The following ZFAND3 variants were observed in gnomAD, a reference collection of about 807,000 sequenced individuals.
ZFAND3 encodes zinc finger AN1-type containing 3, also known as AN1-type zinc finger protein 3.
ZFAND3 carries 10 observed loss-of-function variants against 29.6 expected under a neutral mutation model. That is an observed-to-expected ratio of 0.34 (90% confidence interval 0.21 to 0.57). The LOEUF is 0.57. Ranked by LOEUF, ZFAND3 falls within the 20% of genes least tolerant of loss-of-function variation. ZFAND3 has a pLI of 0.86. For missense variants in ZFAND3, 230 were observed against 304.5 expected (o/e 0.76, Z 1.82); for synonymous variants, 128 against 112.6 (o/e 1.14, Z -0.87).
At chr6:38,063,359 C>G (rs759758500) in intron 3 of ZFAND3, among the ~76,000 whole-genome samples, 5 of 152,116 alleles carry the variant, frequency 3.3e-5, no homozygotes, top group Non-Finnish European at 7.4e-5. Flanking sequence ...ATCTCCCACC[C>G]CACAGCCCCA....
At chr6:38,144,185 A>T (rs1448265068) in intron 5 of ZFAND3, among the ~76,000 whole-genome samples, 39 of 3,356 alleles carry the variant, frequency 0.012, no homozygotes, top group African/African-American at 0.071. Flanking sequence ...TATATATATA[A>T]TATATATATA....
At chr6:37,824,465 G>A (rs1239622742) in intron 1 of ZFAND3, among the ~76,000 whole-genome samples, 2 of 152,098 alleles carry the variant, frequency 1.3e-5, no homozygotes, top group Non-Finnish European at 2.9e-5. Context: ...AGGATAATAG[G>A]GTAATTAGGA....
intron 2 of ZFAND3, among the ~76,000 whole-genome samples, chr6:37,993,349 C>T (rs562550116): frequency 6.6e-6 from 1 of 150,798 alleles, no homozygotes; most frequent in South Asian, 2.1e-4. Context: ...TATTTTGAGA[C>T]TGAGTCTTGC....
chr6:37,982,352 A>G (rs1239447132), intron 2 of ZFAND3, among the ~76,000 whole-genome samples: 1 of 152,134 alleles, frequency 6.6e-6, no homozygotes, highest in Non-Finnish European at 1.5e-5. Context: ...CAGTTGTGCA[A>G]TAAAAATGTA....
intron 5 of ZFAND3, among the ~76,000 whole-genome samples, chr6:38,124,289 G>T (rs1314868119): frequency 6.6e-6 from 1 of 152,244 alleles, no homozygotes; most frequent in Admixed American, 6.5e-5. Flanking sequence ...CACTGGAGCC[G>T]CAGGTGGAGC....
At chr6:38,024,793 A>G (rs1763417029) in intron 2 of ZFAND3, among the ~76,000 whole-genome samples, 1 of 152,214 alleles carries the variant, frequency 6.6e-6, no homozygotes. Flanking sequence ...GGTGGTTACC[A>G]GGGGCAATAG....
At chr6:37,873,101 C>CAA (rs369148005) in intron 1 of ZFAND3, among the ~76,000 whole-genome samples, 1 of 148,436 alleles carries the variant, frequency 6.7e-6, no homozygotes, top group Non-Finnish European at 1.5e-5. Flanking sequence ...TACTTAAAAA[C>CAA]AAAAAAAACC....
chr6:37,909,953 G>A (rs1765490663), intron 1 of ZFAND3, among the ~76,000 whole-genome samples: 1 of 152,118 alleles, frequency 6.6e-6, no homozygotes, highest in Admixed American at 6.5e-5. Flanking sequence ...TTAAAGCATG[G>A]AATCTTAAAA....
chr6:38,057,948 C>G lies in ZFAND3; in HGVS notation c.113-3645C>G, dbSNP rs180964667. On this transcript the variant is annotated intron_variant, in intron 2 of 5. Transcript: ENST00000287218. Reference sequence around the variant, plus strand: ...CCAAATGATGTTATGACACCATCACCCTGTGCAGGTGTAGAAAAGGCATAG... The same window carrying G: ...CCAAATGATGTTATGACACCATCACGCTGTGCAGGTGTAGAAAAGGCATAG... Among the ~76,000 whole-genome samples the G allele has an allele frequency of 3.9e-5, 6 of 152,204 alleles. No individual in the cohort carries two copies. The East Asian group carries it at 1.2e-3, about 29-fold the overall frequency.
intron 2 of ZFAND3, among the ~76,000 whole-genome samples, chr6:37,999,656 T>TGCCC (rs1339624588): frequency 1.3e-5 from 2 of 152,184 alleles, no homozygotes; most frequent in Non-Finnish European, 2.9e-5. Context: ...ACAAAATACC[T>TGCCC]GACCAGTACT....
intron 3 of ZFAND3, among the ~76,000 whole-genome samples, chr6:38,071,596 C>T (rs1020976714): frequency 6.6e-6 from 1 of 152,038 alleles, no homozygotes; most frequent in African/African-American, 2.4e-5. Flanking sequence ...GTATCAGTAG[C>T]TTCTGATTTG....
intron 4 of ZFAND3, among the ~76,000 whole-genome samples, chr6:38,103,464 C>G (rs1428368021): frequency 7.0e-6 from 1 of 142,658 alleles, no homozygotes; most frequent in Non-Finnish European, 1.5e-5. Flanking sequence ...CACATATATA[C>G]ACGTGTATAT....
chr6:38,011,205 A>G (rs986279925), intron 2 of ZFAND3, among the ~76,000 whole-genome samples: 1 of 152,044 alleles, frequency 6.6e-6, no homozygotes, highest in Non-Finnish European at 1.5e-5. Context: ...TGTTGAGCTG[A>G]TGGATATTTG....
intron 1 of ZFAND3, among the ~76,000 whole-genome samples, chr6:37,917,099 G>A (rs186454272): frequency 6.6e-6 from 1 of 152,066 alleles, no homozygotes; most frequent in African/African-American, 2.4e-5. Flanking sequence ...TTACTGTGTC[G>A]GATTTATAAA....
chr6:38,141,125 G>A (rs11964393), intron 5 of ZFAND3, among the ~76,000 whole-genome samples: 3,891 of 152,212 alleles, frequency 0.026, 186 homozygotes, highest in African/African-American at 0.087. Context: ...TTGAGTTATC[G>A]TGGTGAAAAC....
Position 37,819,885 on chromosome 6 carries a change from G to GGGGCCC in ZFAND3, c.-54_-49dup, listed in dbSNP as rs1763626465. The GGGGCCC allele has an allele frequency of 5.4e-6, 6 of 1,117,952 alleles. No individual in the cohort carries two copies. The highest frequency in any genetic ancestry group is 5.5e-6 in the Non-Finnish European group (5 of 903,778). The allele number at this position is 1,117,952 out of a possible 1,614,324, so 69.3% of individuals were successfully genotyped here. A position where few individuals can be genotyped will look rare whatever the true frequency, so the allele number is the denominator to read the frequency against. On this transcript the variant is annotated 5_prime_UTR_variant, in exon 1 of 6. Coordinates refer to ENST00000287218, the MANE Select transcript of ZFAND3 (RefSeq NM_021943.3). ...GCCGCCGCCACCGCCTCCTCAGAGC[G>GGGGCCC]GGGCCCGGGCCCAGCCGCCGCCACC...
At chr6:37,865,777 G>C (rs896901915) in intron 1 of ZFAND3, among the ~76,000 whole-genome samples, 35 of 152,226 alleles carry the variant, frequency 2.3e-4, no homozygotes, top group African/African-American at 8.4e-4. Flanking sequence ...TTGGAATGGA[G>C]AGCTGGGTTA....
Position 38,152,146 on chromosome 6 carries a change from C to A in ZFAND3, c.530-89C>A, listed in dbSNP as rs1255699074. On this transcript the variant is annotated intron_variant, in intron 5 of 5. Coordinates refer to ENST00000287218, the MANE Select transcript of ZFAND3 (RefSeq NM_021943.3). ...GTTGTCCACTCACTGGGATGCCCCTCCATCCTCTGGACAAAGGCAATTGTG... is the reference window on the plus strand; with the variant it reads ...GTTGTCCACTCACTGGGATGCCCCTACATCCTCTGGACAAAGGCAATTGTG... 3.1e-6 allele frequency: 4 copies of A among 1,272,064 alleles called. No individual in the cohort carries two copies. In the African/African-American group the frequency reaches 6.1e-5, roughly 19 times the overall value. 78.8% of individuals were successfully genotyped at this position (1,272,064 alleles called of 1,614,324 possible). A position where few individuals can be genotyped will look rare whatever the true frequency, so the allele number is the denominator to read the frequency against.
At chr6:38,051,200 C>T (rs1764018970) in intron 2 of ZFAND3, among the ~76,000 whole-genome samples, 1 of 152,142 alleles carries the variant, frequency 6.6e-6, no homozygotes, top group African/African-American at 2.4e-5. Flanking sequence ...CATCCTCTCC[C>T]TCAAAAGAGA....
Sources: gnomAD v4.1 joint callset for allele counts (sites outside exome capture counted in the v4.1 genomes callset) on GRCh38, gnomAD v4.1.1 for gene constraint, MANE v1.5 for transcripts, NCBI Gene and HGNC (gene_info 2026-07-23, HGNC 2026-07-21) for gene names.